The following VRK2 variants were observed in gnomAD, a reference collection of about 807,000 sequenced individuals.
VRK2 encodes serine/threonine-protein kinase VRK2.
A neutral mutation model predicts 57.6 loss-of-function variants in VRK2; 60 were observed. The observed-to-expected ratio is 1.04, with a 90% CI of 0.85 to 1.29. The LOEUF (loss-of-function observed/expected upper bound fraction) is 1.29, where lower values mean the gene tolerates loss of function less well. Among genes scored for constraint, VRK2 ranks in the 50% most tolerant of loss-of-function variants. The pLI, the probability that VRK2 is intolerant of heterozygous loss-of-function variation, is 0.00. For synonymous variants in VRK2, 231 were observed against 199.2 expected (o/e 1.16, Z -1.35); for missense variants, 705 against 588.1 (o/e 1.20, Z -2.06).
chr2:58,088,581 C>T (rs1671953816), intron 6 of VRK2, 135 bp downstream of exon 6: 1 of 727,700 alleles, frequency 1.4e-6, no homozygotes, highest in African/African-American at 1.8e-5. Flanking sequence ...GGAGTAGAGG[C>T]TATTTTGGTG....
intron 2 of VRK2, among the ~76,000 whole-genome samples, chr2:58,079,738 T>C (rs1670597779): frequency 6.6e-6 from 1 of 152,020 alleles, no homozygotes; most frequent in Non-Finnish European, 1.5e-5. Context: ...TAGTTTTATT[T>C]TCTCTGTCTC....
intron 1 of VRK2, among the ~76,000 whole-genome samples, chr2:57,934,652 T>A (rs1316635570): frequency 6.6e-6 from 1 of 152,216 alleles, no homozygotes; most frequent in Non-Finnish European, 1.5e-5. Flanking sequence ...TTTCTTTAAA[T>A]AAGATTTCTG....
chr2:58,040,323 G>A (rs903957140), intron 3 of VRK2, among the ~76,000 whole-genome samples: 5 of 152,146 alleles, frequency 3.3e-5, no homozygotes, highest in Non-Finnish European at 7.4e-5. Context: ...GGTAACAGAA[G>A]GGGAAGTCAG....
At chr2:58,100,396 T>C (rs1673782348) in intron 7 of VRK2, among the ~76,000 whole-genome samples, 1 of 151,934 alleles carries the variant, frequency 6.6e-6, no homozygotes. Context: ...CAGAATAGTG[T>C]TATATATTTT....
chr2:58,053,924 A>G (rs1222100974), intron 2 of VRK2, among the ~76,000 whole-genome samples: 1 of 152,200 alleles, frequency 6.6e-6, no homozygotes, highest in Non-Finnish European at 1.5e-5. Flanking sequence ...TTTATGATAA[A>G]TTAGTCTCCA....
At chr2:58,082,032 G>T (rs1200586584) in intron 2 of VRK2, among the ~76,000 whole-genome samples, 1 of 151,722 alleles carries the variant, frequency 6.6e-6, no homozygotes, top group Non-Finnish European at 1.5e-5. Context: ...TTCATATGAA[G>T]CACCCGTCTC....
intron 12 of VRK2, 22 bp downstream of exon 12, chr2:58,146,496 G>T (rs377600691): frequency 2.0e-5 from 32 of 1,593,014 alleles, no homozygotes; most frequent in Non-Finnish European, 2.6e-5. Flanking sequence ...GTTTGTGTGT[G>T]TTTTTTCTAA....
intron 2 of VRK2, among the ~76,000 whole-genome samples, chr2:58,079,778 G>A (rs547550952): frequency 6.6e-6 from 1 of 151,992 alleles, no homozygotes; most frequent in South Asian, 2.1e-4. Context: ...TCTCCAAGGA[G>A]CCCTGATTCA....
intron 8 of VRK2, among the ~76,000 whole-genome samples, chr2:58,124,828 G>C (rs1196128113): frequency 6.6e-6 from 1 of 151,976 alleles, no homozygotes; most frequent in Non-Finnish European, 1.5e-5. Flanking sequence ...CAAAGTAAAA[G>C]AAATGACTAC....
At chr2:58,015,045 A>G (rs1673534148) in intron 1 of VRK2, among the ~76,000 whole-genome samples, 1 of 152,222 alleles carries the variant, frequency 6.6e-6, no homozygotes, top group Middle Eastern at 3.2e-3. Context: ...AATTTGTTAC[A>G]GGCACAATAG....
chr2:58,088,230 C>T (rs1254971564), intron 5 of VRK2, 111 bp from the exon 6 acceptor site: 2 of 733,842 alleles, frequency 2.7e-6, no homozygotes, highest in East Asian at 2.5e-5. Context: ...GTTTAGATTG[C>T]ATTATACTTA....
At chr2:58,085,077 A>G in intron 4 of VRK2, 127 bp downstream of exon 4, 1 of 774,402 alleles carries the variant, frequency 1.3e-6, no homozygotes, top group Non-Finnish European at 2.0e-6. Context: ...AAAGTGATAC[A>G]GTTAACTGTT....
intron 8 of VRK2, among the ~76,000 whole-genome samples, chr2:58,123,942 A>C (rs192660093): frequency 4.0e-4 from 61 of 152,260 alleles, no homozygotes; most frequent in African/African-American, 1.4e-3. Context: ...ATCTCTCAGC[A>C]GTAAGGTTAT....
chr2:58,056,612 C>CTG (rs1676560375), intron 2 of VRK2, among the ~76,000 whole-genome samples: 1 of 14,066 alleles, frequency 7.1e-5, no homozygotes, highest in Non-Finnish European at 1.2e-4. Flanking sequence ...AGTGTGGCTA[C>CTG]TCACCCCACT....
chr2:57,983,684 G>C (rs1361159673), intron 1 of VRK2, among the ~76,000 whole-genome samples: 1 of 152,188 alleles, frequency 6.6e-6, no homozygotes, highest in Admixed American at 6.5e-5. Flanking sequence ...GCCTGCAAGG[G>C]AGAGTGTATA....
chr2:58,042,371 CTA>C (rs1306601256), upstream of VRK2, among the ~76,000 whole-genome samples: 1 of 152,088 alleles, frequency 6.6e-6, no homozygotes, highest in Non-Finnish European at 1.5e-5. Flanking sequence ...TTCAAAATTT[CTA>C]TGTCAGGAAC....
intron 7 of VRK2, among the ~76,000 whole-genome samples, chr2:58,109,778 A>G (rs1573154348): frequency 6.6e-6 from 1 of 152,196 alleles, no homozygotes; most frequent in African/African-American, 2.4e-5. Flanking sequence ...GACACAGCCA[A>G]ACCATTTCAG....
chr2:57,969,623 A>T (rs1672029939), intron 1 of VRK2, among the ~76,000 whole-genome samples: 1 of 152,140 alleles, frequency 6.6e-6, no homozygotes, highest in Non-Finnish European at 1.5e-5. Context: ...AAGAATTTAG[A>T]AACAATACTT....
intron 1 of VRK2, among the ~76,000 whole-genome samples, chr2:57,961,755 A>C (rs999931546): frequency 2.6e-5 from 4 of 152,106 alleles, no homozygotes; most frequent in African/African-American, 4.8e-5. Context: ...CCAGTTGTAC[A>C]TAGAGAGCAC....
Sources: allele counts gnomAD v4.1 joint callset (sites outside exome capture counted in the v4.1 genomes callset), GRCh38; gene constraint gnomAD v4.1.1; transcripts MANE v1.5; gene names NCBI Gene and HGNC (gene_info 2026-07-23, HGNC 2026-07-21).